CCDC69: variants seen among roughly 807,000 people sequenced by gnomAD.
CCDC69 encodes coiled-coil domain containing 69.
CCDC69 carries 38 observed loss-of-function variants against 40.3 expected under a neutral mutation model. The ratio of observed to expected loss-of-function variants is 0.94; its 90% CI spans 0.73 to 1.24. CCDC69 has a LOEUF of 1.24. Ranked by LOEUF, CCDC69 falls within the 50% of genes most tolerant of loss-of-function variation. The pLI is 0.00. For missense variants in CCDC69, 389 were observed against 357.9 expected (o/e 1.09, Z -0.70); for synonymous variants, 141 against 138.9 (o/e 1.02, Z -0.11).
chr5:151,218,920 T>C (rs929089362), intron 1 of CCDC69, among the ~76,000 whole-genome samples: 1 of 152,218 alleles, frequency 6.6e-6, no homozygotes, highest in Non-Finnish European at 1.5e-5. Context: ...CCAAAGGTTG[T>C]ATCTCAAAGG....
chr5:151,188,064 C>T (rs1048577748), intron 4 of CCDC69, among the ~76,000 whole-genome samples: 8 of 152,134 alleles, frequency 5.3e-5, no homozygotes, highest in East Asian at 3.8e-4. Context: ...ATGAGAAGGA[C>T]GTGCAAGGGC....
intron 1 of CCDC69, among the ~76,000 whole-genome samples, chr5:151,222,138 G>T (rs1049876292): frequency 2.0e-5 from 3 of 152,220 alleles, no homozygotes; most frequent in Non-Finnish European, 4.4e-5. Context: ...TAGATACCTG[G>T]GTTCTGCTCT....
chr5:151,206,699 C>T (rs150584653), intron 1 of CCDC69, among the ~76,000 whole-genome samples: 1,673 of 150,918 alleles, frequency 0.011, 37 homozygotes, highest in African/African-American at 0.039. Context: ...GGCACGATCT[C>T]GGCTCACTGT....
At chr5:151,221,586 T>C (rs1753135700) in intron 1 of CCDC69, among the ~76,000 whole-genome samples, 1 of 152,218 alleles carries the variant, frequency 6.6e-6, no homozygotes, top group Non-Finnish European at 1.5e-5. Flanking sequence ...AAAGCCAGGC[T>C]CAACTGCACA....
rs1321166503 is a variant in CCDC69 at position 151,182,843 on chromosome 5, T to C, written c.*594A>G. 2.0e-5 allele frequency: 7 copies of C among 352,208 alleles called. No homozygotes were observed. Among genetic ancestry groups the C allele is most frequent in the Admixed American group, 1.1e-4 (3 of 26,694 alleles). 21.8% of individuals were successfully genotyped at this position (352,208 alleles called of 1,614,324 possible). On this transcript the variant is annotated 3_prime_UTR_variant, in exon 9 of 9. Coordinates refer to ENST00000355417, the MANE Select transcript of CCDC69 (RefSeq NM_015621.3). ...GCCCCAAGGGCCTTCAGAGACCCCC[T>C]CTCTACCACTCACCTTCCCCACTCT...
rs373531629 is a variant in CCDC69 at position 151,216,659 on chromosome 5, G to A, written c.48+7264C>T. Among the ~76,000 whole-genome samples the A allele has an allele frequency of 1.2e-4, 18 of 151,954 alleles. No individual in the cohort carries two copies. The East Asian group carries it at 3.1e-3, about 26-fold the overall frequency. Reference sequence around the variant, plus strand: ...TCAAACTCCTGACCTCAGGTGATCCGCCCGCCTCAGTCTCCCAAAGTGCAG... The same window carrying A: ...TCAAACTCCTGACCTCAGGTGATCCACCCGCCTCAGTCTCCCAAAGTGCAG... On this transcript the variant is annotated intron_variant, in intron 1 of 8. Coordinates refer to ENST00000355417, the MANE Select transcript of CCDC69 (RefSeq NM_015621.3).
chr5:151,216,294 A>G (rs1028004632), intron 1 of CCDC69, among the ~76,000 whole-genome samples: 2 of 152,010 alleles, frequency 1.3e-5, no homozygotes, highest in African/African-American at 2.4e-5. Flanking sequence ...CATAGGAAAA[A>G]GTACCTAGAA....
intron 6 of CCDC69, 111 bp from the exon 7 acceptor site, chr5:151,185,652 C>T: frequency 8.7e-7 from 1 of 1,146,296 alleles, no homozygotes; most frequent in Non-Finnish European, 1.3e-6. Flanking sequence ...CCTCTCTCAG[C>T]CCATGTTAAG....
Position 151,198,890 on chromosome 5 carries a change from C to T in CCDC69, c.319+107G>A, listed in dbSNP as rs1326822554. 7.3e-6 allele frequency: 6 copies of T among 819,036 alleles called. No individual in the cohort carries two copies. The East Asian group carries it at 9.7e-5, about 13-fold the overall frequency. 50.7% of individuals were successfully genotyped at this position (819,036 alleles called of 1,614,324 possible). On this transcript the variant is annotated intron_variant, in intron 4 of 8. Coordinates refer to ENST00000355417, the MANE Select transcript of CCDC69 (RefSeq NM_015621.3). ...AGATTTGAGTCAATTGCTTGTGGAT[C>T]AGACAGACAGGGAGGGAACAGTGGG... is the stretch of plus-strand genomic sequence containing the variant.
At position 151,184,377 on chromosome 5, in the gene CCDC69, T is replaced by C. The variant is rs145610003; in HGVS notation, c.680A>G (p.His227Arg). ...TTLQQENEDL[H>R]VRSRNQVVLS... Reference sequence around the variant, plus strand: ...GACCACCTGGTTGCGGCTTCGGACATGGAGGTCCTCATTTTCCTGTTGCAG... The same window carrying C: ...GACCACCTGGTTGCGGCTTCGGACACGGAGGTCCTCATTTTCCTGTTGCAG... Residue 227 changes from histidine to arginine, a missense_variant, in exon 8 of 9, where the codon CAT becomes CGT. Transcript: ENST00000355417. The C allele has an allele frequency of 7.7e-5, 125 of 1,614,116 alleles. No individual in the cohort carries two copies. The African/African-American group carries it at 1.6e-3, about 21-fold the overall frequency.
intron 2 of CCDC69, among the ~76,000 whole-genome samples, chr5:151,203,614 A>T (rs1434240188): frequency 7.6e-6 from 1 of 131,616 alleles, no homozygotes; most frequent in Non-Finnish European, 1.5e-5. Context: ...AAATATATAT[A>T]TTTAGTTATA....
intron 2 of CCDC69, among the ~76,000 whole-genome samples, chr5:151,203,383 G>A (rs189975676): frequency 1.4e-4 from 21 of 151,460 alleles, no homozygotes; most frequent in Non-Finnish European, 2.1e-4. Context: ...GGTGGCAGGC[G>A]CCTGTAATCC....
chr5:151,200,069 A>C (rs1403920644), intron 3 of CCDC69, among the ~76,000 whole-genome samples: 1 of 152,196 alleles, frequency 6.6e-6, no homozygotes, highest in Non-Finnish European at 1.5e-5. Flanking sequence ...TGGGTGAATA[A>C]AATCTAGCAG....
Position 151,223,929 on chromosome 5 carries a change from C to T in CCDC69, c.42G>A (p.Pro14=), listed in dbSNP as rs1561607628. ...RHSRLSSCKP[P]KKKRQEPEPE... ...CTCCGCCGGCGCCCTTTACCTTTTTCGGGGGTTTGCAGCTGCTCAGCCTGC... is the reference window on the plus strand; with the variant it reads ...CTCCGCCGGCGCCCTTTACCTTTTTTGGGGGTTTGCAGCTGCTCAGCCTGC... The change falls in exon 1 of 9, where the codon CCG becomes CCA. Residue 14 remains proline (P), a synonymous_variant. Coordinates refer to ENST00000355417, the MANE Select transcript of CCDC69 (RefSeq NM_015621.3). 6.3e-7 allele frequency: 1 copy of T among 1,583,240 alleles called. No individual in the cohort carries two copies. Among genetic ancestry groups the T allele is most frequent in the South Asian group, 1.1e-5 (1 of 88,936 alleles).
intron 1 of CCDC69, among the ~76,000 whole-genome samples, chr5:151,207,288 A>G (rs1021094682): frequency 4.0e-5 from 6 of 150,004 alleles, no homozygotes; most frequent in Non-Finnish European, 8.9e-5. Context: ...CTATTTGTAG[A>G]TTATTATTAT....
At chr5:151,215,070 G>C (rs1753017581) in intron 1 of CCDC69, among the ~76,000 whole-genome samples, 1 of 152,226 alleles carries the variant, frequency 6.6e-6, no homozygotes, top group Non-Finnish European at 1.5e-5. Context: ...TCTAGCATTT[G>C]GGTCAGCCTG....
chr5:151,223,475 G>A (rs1311249449), intron 1 of CCDC69, among the ~76,000 whole-genome samples: 4 of 152,258 alleles, frequency 2.6e-5, no homozygotes, highest in Non-Finnish European at 5.9e-5. Context: ...ATTTCTGACA[G>A]GTCCCCAGGG....
chr5:151,197,605 T>C (rs1752717922), intron 4 of CCDC69, among the ~76,000 whole-genome samples: 1 of 152,102 alleles, frequency 6.6e-6, no homozygotes, highest in Non-Finnish European at 1.5e-5. Context: ...AGTTTCCTTT[T>C]GGGGTGATGG....
At chr5:151,184,513 T>C in intron 7 of CCDC69, 72 bp from the exon 8 acceptor site, 1 of 919,280 alleles carries the variant, frequency 1.1e-6, no homozygotes, top group East Asian at 2.5e-5. Flanking sequence ...ACCTCCCTCT[T>C]ATCTGTGGTC....
Sources: allele counts gnomAD v4.1 joint callset (sites outside exome capture counted in the v4.1 genomes callset), GRCh38; gene constraint gnomAD v4.1.1; transcripts MANE v1.5; gene names NCBI Gene and HGNC (gene_info 2026-07-23, HGNC 2026-07-21).